The following AMZ2 variants were observed in gnomAD, a reference collection of about 807,000 sequenced individuals.
The protein encoded by AMZ2 is archaemetzincin-2.
A neutral mutation model predicts 36.7 loss-of-function variants in AMZ2; 26 were observed. The ratio of observed to expected loss-of-function variants is 0.71; its 90% CI spans 0.52 to 0.98. The LOEUF is 0.98. Ranked by LOEUF, AMZ2 falls within the 50% of genes least tolerant of loss-of-function variation. AMZ2 has a pLI of 0.00. For missense variants in AMZ2, 394 were observed against 430.5 expected (o/e 0.92, Z 0.75); for synonymous variants, 144 against 149.1 (o/e 0.97, Z 0.25).
intron 1 of AMZ2, among the ~76,000 whole-genome samples, chr17:68,229,061 TG>T (rs201639534): frequency 1.3e-5 from 2 of 152,092 alleles, no homozygotes; most frequent in Non-Finnish European, 2.9e-5. Context: ...CCTTGGCAGC[TG>T]CCCTTGCTGC....
intron 1 of AMZ2, 149 bp downstream of exon 1, chr17:68,248,854 T>G (rs1487346394): frequency 1.3e-6 from 1 of 793,622 alleles, no homozygotes; most frequent in Non-Finnish European, 1.6e-6. Context: ...TTAGTCAGCC[T>G]CTTCAACCCC....
At chr17:68,224,714 A>T (rs574000901) in intron 1 of AMZ2, among the ~76,000 whole-genome samples, 4 of 151,838 alleles carry the variant, frequency 2.6e-5, no homozygotes, top group African/African-American at 9.7e-5. Flanking sequence ...TAATTTTTTT[A>T]AATTTTCTTA....
At chr17:68,218,415 C>A (rs2073258948) in intron 1 of AMZ2, among the ~76,000 whole-genome samples, 1 of 152,086 alleles carries the variant, frequency 6.6e-6, no homozygotes, top group Non-Finnish European at 1.5e-5. Context: ...TCTCGAACTC[C>A]TGGGCTCAAG....
intron 1 of AMZ2, among the ~76,000 whole-genome samples, chr17:68,233,825 G>A (rs2073725876): frequency 6.6e-6 from 1 of 151,942 alleles, no homozygotes; most frequent in East Asian, 1.9e-4. Flanking sequence ...GAGCCCAGGC[G>A]ATCCTCCCAC....
intron 1 of AMZ2, among the ~76,000 whole-genome samples, chr17:68,211,816 ATG>A (rs377754174): frequency 0.017 from 1,535 of 93,012 alleles, 29 homozygotes; most frequent in East Asian, 0.044. Flanking sequence ...GTATATATGT[ATG>A]TGTATGTATA....
intron 1 of AMZ2, among the ~76,000 whole-genome samples, chr17:68,223,290 A>T (rs1187583182): frequency 6.6e-6 from 1 of 152,046 alleles, no homozygotes; most frequent in African/African-American, 2.4e-5. Context: ...CCACACCAGA[A>T]GGCATGAAGG....
chr17:68,227,889 T>G (rs1172406148), intron 1 of AMZ2, among the ~76,000 whole-genome samples: 2 of 152,190 alleles, frequency 1.3e-5, no homozygotes, highest in Non-Finnish European at 2.9e-5. Context: ...TAATCCAGGA[T>G]AATCTCCTTC....
At chr17:68,241,540 T>C (rs1311821859) in intron 1 of AMZ2, among the ~76,000 whole-genome samples, 4 of 152,078 alleles carry the variant, frequency 2.6e-5, no homozygotes, top group African/African-American at 9.7e-5. Flanking sequence ...TATACACACA[T>C]TGTTGAGAAA....
chr17:68,214,134 T>G (rs1218849948), intron 1 of AMZ2, among the ~76,000 whole-genome samples: 1 of 151,946 alleles, frequency 6.6e-6, no homozygotes, highest in Admixed American at 6.6e-5. Flanking sequence ...TATTAATTCT[T>G]AATTTTCTGC....
chr17:68,255,272 C>G (rs1555742089), intron 5 of AMZ2, among the ~76,000 whole-genome samples: 2 of 152,066 alleles, frequency 1.3e-5, no homozygotes, highest in African/African-American at 2.4e-5. Flanking sequence ...ATCAGAATTA[C>G]AACAAGTACC....
chr17:68,255,505 C>G (rs1555742240), intron 5 of AMZ2, among the ~76,000 whole-genome samples, 195 bp from the exon 6 acceptor site: 1 of 152,098 alleles, frequency 6.6e-6, no homozygotes, highest in African/African-American at 2.4e-5. Flanking sequence ...TTGAGGAAGT[C>G]TATAGCAAGA....
chr17:68,248,666 A>C lies in AMZ2; in HGVS notation c.-40A>C, dbSNP rs1219721686. 1.0e-6 allele frequency: 1 copy of C among 985,936 alleles called. No homozygotes were observed. The highest frequency in any genetic ancestry group is 1.7e-5 in the African/African-American group (1 of 57,252). The allele number at this position is 985,936 out of a possible 1,614,324, so 61.1% of individuals were successfully genotyped here. On this transcript the variant is annotated 5_prime_UTR_variant, in exon 1 of 7. Transcript: ENST00000359904. ...CAGGCCCAGACATGTCCGTCCTTGT[A>C]AGTTAAAAGCTTCCATGGGAGCCTT...
intron 1 of AMZ2, among the ~76,000 whole-genome samples, chr17:68,218,387 A>C (rs1555727827): frequency 1.3e-5 from 2 of 152,138 alleles, no homozygotes; most frequent in Non-Finnish European, 2.9e-5. Flanking sequence ...ACAGAGTCTC[A>C]CTATGTTGCC....
chr17:68,238,968 G>A (rs772524731), intron 1 of AMZ2, among the ~76,000 whole-genome samples: 3 of 152,218 alleles, frequency 2.0e-5, no homozygotes, highest in African/African-American at 7.2e-5. Flanking sequence ...CAGGCAGGAC[G>A]TGGTCCAAAA....
At chr17:68,208,428 C>G (rs1307021115) in intron 1 of AMZ2, among the ~76,000 whole-genome samples, 2 of 152,214 alleles carry the variant, frequency 1.3e-5, no homozygotes, top group Non-Finnish European at 2.9e-5. Flanking sequence ...AATCGACAAT[C>G]TGTATCTAGC....
intron 1 of AMZ2, among the ~76,000 whole-genome samples, chr17:68,232,120 TAAAAAAA>T (rs34203351): frequency 2.0e-5 from 2 of 100,392 alleles, no homozygotes; most frequent in Non-Finnish European, 4.0e-5. Flanking sequence ...CTGAAGTTTG[TAAAAAAA>T]AAAAAAAAAA....
chr17:68,247,125 A>C (rs1194101332), upstream of AMZ2: 1 of 152,002 alleles, frequency 6.6e-6, no homozygotes, highest in Non-Finnish European at 1.5e-5. Flanking sequence ...ACTTGAGGTC[A>C]GGAGTTCGAG....
intron 1 of AMZ2, among the ~76,000 whole-genome samples, chr17:68,242,878 C>CA (rs34616959): frequency 0.099 from 15,074 of 151,592 alleles, 849 homozygotes; most frequent in Non-Finnish European, 0.12. Flanking sequence ...CCCCTCTCTA[C>CA]AAAAAAACAC....
intron 4 of AMZ2, among the ~76,000 whole-genome samples, chr17:68,252,105 C>T (rs542301415): frequency 6.6e-6 from 1 of 151,930 alleles, no homozygotes; most frequent in African/African-American, 2.4e-5. Flanking sequence ...AAGAATCCAA[C>T]ACAGACTTGA....
Sources: allele counts gnomAD v4.1 joint callset (sites outside exome capture counted in the v4.1 genomes callset), GRCh38; gene constraint gnomAD v4.1.1; transcripts MANE v1.5; gene names NCBI Gene and HGNC (gene_info 2026-07-23, HGNC 2026-07-21).